Variants in NRG1 observed in about 807,000 individuals in gnomAD.
The protein encoded by NRG1 is pro-neuregulin-1, membrane-bound isoform.
Under a neutral mutation model 63.8 loss-of-function variants are expected in NRG1, and 18 were observed. That is an observed-to-expected ratio of 0.28 (90% CI 0.19 to 0.42). The LOEUF (loss-of-function observed/expected upper bound fraction) is 0.42. Ranked by LOEUF, NRG1 falls within the 10% of genes least tolerant of loss-of-function variation. The probability of loss-of-function intolerance (pLI) is 1.00; values close to 1 mark genes in which losing one functional copy is unlikely to be tolerated. For synonymous variants in NRG1, 302 were observed against 301.3 expected (o/e 1.00, Z -0.02); for missense variants, 762 against 814.7 (o/e 0.94, Z 0.79).
At chr8:32,299,847 G>A (rs933298174) in intron 1 of NRG1, among the ~76,000 whole-genome samples, 1 of 152,092 alleles carries the variant, frequency 6.6e-6, no homozygotes, top group Non-Finnish European at 1.5e-5. Context: ...CCTTCCACTG[G>A]GTCCCTCCTG....
intron 1 of NRG1, among the ~76,000 whole-genome samples, chr8:31,661,278 G>A (rs544570104): frequency 6.6e-6 from 1 of 152,236 alleles, no homozygotes; most frequent in Admixed American, 6.5e-5. Flanking sequence ...CACTCCCAGA[G>A]GTCTGACCGC....
intron 1 of NRG1, among the ~76,000 whole-genome samples, chr8:31,672,890 A>G (rs1281320359): frequency 1.3e-5 from 2 of 151,740 alleles, no homozygotes; most frequent in African/African-American, 4.8e-5. Context: ...TATTTCCAAG[A>G]TATATTTTAC....
chr8:31,656,942 A>T (rs1293227383), intron 1 of NRG1, among the ~76,000 whole-genome samples: 1 of 152,234 alleles, frequency 6.6e-6, no homozygotes, highest in Non-Finnish European at 1.5e-5. Context: ...TATTAGGTTG[A>T]CACAGGAGCT....
chr8:31,762,719 A>T (rs1022480537), intron 1 of NRG1, among the ~76,000 whole-genome samples: 7 of 152,208 alleles, frequency 4.6e-5, no homozygotes, highest in African/African-American at 1.2e-4. Flanking sequence ...AAAACTTCCC[A>T]TATAAAGAAT....
chr8:31,809,028 G>A lies in NRG1; in HGVS notation c.37+169597G>A, dbSNP rs144060314. Among the ~76,000 whole-genome samples the A allele has an allele frequency of 3.8e-3, 582 of 152,096 alleles. 1 individual carries two copies. The highest frequency in any genetic ancestry group is 0.021 in the Middle Eastern group (6 of 292). On this transcript the variant is annotated intron_variant, in intron 1 of 10. Transcript: ENST00000519301. ...TTACATTTGGTTAATACTTTGGCTA[G>A]ATTTAGAATTTAAAATTATGAAATG... is the stretch of plus-strand genomic sequence containing the variant.
intron 1 of NRG1, among the ~76,000 whole-genome samples, chr8:31,880,164 C>G (rs1563520023): frequency 6.6e-6 from 1 of 152,124 alleles, no homozygotes; most frequent in Admixed American, 6.5e-5. Context: ...CCGTTTGACC[C>G]AGCAATCCCA....
intron 1 of NRG1, among the ~76,000 whole-genome samples, chr8:31,813,521 T>TTTTC (rs1267961663): frequency 4.5e-5 from 1 of 22,254 alleles, no homozygotes; most frequent in African/African-American, 8.9e-5. Flanking sequence ...CTTTTCTTTT[T>TTTTC]TTTTTTTTTT....
chr8:31,681,343 C>G (rs1808322489), intron 1 of NRG1, among the ~76,000 whole-genome samples: 1 of 151,992 alleles, frequency 6.6e-6, no homozygotes, highest in South Asian at 2.1e-4. Flanking sequence ...TTCAGTAGCT[C>G]CAAATACAAT....
At chr8:31,772,758 G>A (rs1270854119) in intron 1 of NRG1, among the ~76,000 whole-genome samples, 1 of 152,152 alleles carries the variant, frequency 6.6e-6, no homozygotes, top group Non-Finnish European at 1.5e-5. Context: ...AGACTGGGTT[G>A]TTGTAATGGC....
chr8:31,911,657 T>A (rs1439217878), intron 1 of NRG1, among the ~76,000 whole-genome samples: 2 of 152,102 alleles, frequency 1.3e-5, no homozygotes, highest in African/African-American at 4.8e-5. Context: ...CAAAATAATC[T>A]GTACAATGAA....
At chr8:31,809,607 T>A (rs1391430712) in intron 1 of NRG1, among the ~76,000 whole-genome samples, 4 of 150,944 alleles carry the variant, frequency 2.6e-5, no homozygotes, top group Non-Finnish European at 5.9e-5. Flanking sequence ...ATTTTATTTT[T>A]AAAGTGATTA....
chr8:31,939,455 C>A (rs1801419500), intron 1 of NRG1, among the ~76,000 whole-genome samples: 1 of 151,846 alleles, frequency 6.6e-6, no homozygotes, highest in Non-Finnish European at 1.5e-5. Flanking sequence ...CAAAATAGAA[C>A]CTCCTTAAAG....
chr8:31,843,609 C>T (rs1826399646), intron 1 of NRG1, among the ~76,000 whole-genome samples: 2 of 152,126 alleles, frequency 1.3e-5, no homozygotes, highest in Non-Finnish European at 2.9e-5. Flanking sequence ...GAGGGCTGAA[C>T]AACAGTTTCA....
intron 1 of NRG1, among the ~76,000 whole-genome samples, chr8:31,978,619 T>A (rs2129630289): frequency 6.6e-6 from 1 of 152,274 alleles, no homozygotes; most frequent in South Asian, 2.1e-4. Flanking sequence ...ATGTGATGTT[T>A]AATATCCTAC....
intron 10 of NRG1, 67 bp downstream of exon 10, chr8:32,759,503 T>A (rs1378794089): frequency 2.6e-5 from 41 of 1,551,042 alleles, no homozygotes; most frequent in Non-Finnish European, 3.4e-5. Context: ...CCTTTTGATA[T>A]CCCTGCCTAA....
intron 1 of NRG1, among the ~76,000 whole-genome samples, chr8:32,499,113 C>A (rs1176984783): frequency 6.6e-6 from 1 of 152,122 alleles, no homozygotes; most frequent in Non-Finnish European, 1.5e-5. Flanking sequence ...CAGAAAAGAG[C>A]AAATCTCAGC....
At chr8:32,300,518 A>C (rs1011041807) in intron 1 of NRG1, among the ~76,000 whole-genome samples, 10 of 152,250 alleles carry the variant, frequency 6.6e-5, no homozygotes, top group African/African-American at 2.2e-4. Flanking sequence ...TAACATGGGC[A>C]AATATAAAGC....
At chr8:32,331,098 A>G (rs574039378) in intron 1 of NRG1, among the ~76,000 whole-genome samples, 1 of 152,286 alleles carries the variant, frequency 6.6e-6, no homozygotes, top group Admixed American at 6.5e-5. Context: ...GCGTGTAAAA[A>G]AAAAGAAATC....
At chr8:32,270,689 G>C (rs1029662635) in intron 1 of NRG1, among the ~76,000 whole-genome samples, 2 of 152,186 alleles carry the variant, frequency 1.3e-5, no homozygotes, top group Non-Finnish European at 2.9e-5. Flanking sequence ...AACTTTGCTA[G>C]AGGTGATTTG....
Sources: allele counts gnomAD v4.1 joint callset (sites outside exome capture counted in the v4.1 genomes callset), GRCh38; gene constraint gnomAD v4.1.1; transcripts MANE v1.5; gene names NCBI Gene and HGNC (gene_info 2026-07-23, HGNC 2026-07-21).